TENM2: variants seen among roughly 807,000 people sequenced by gnomAD.
TENM2 encodes teneurin-2.
In TENM2, 52 loss-of-function variants were observed where a neutral mutation model predicts 245.2. That is an observed-to-expected ratio of 0.21 (90% CI 0.17 to 0.27). TENM2 has a LOEUF of 0.27. Ranked by LOEUF, TENM2 falls within the 10% of genes least tolerant of loss-of-function variation. TENM2 has a pLI of 1.00. For missense variants in TENM2, 3,046 were observed against 3,666.8 expected (o/e 0.83, Z 4.37); for synonymous variants, 1,363 against 1,438.9 (o/e 0.95, Z 1.19).
intron 2 of TENM2, among the ~76,000 whole-genome samples, chr5:167,769,192 A>G (rs1265953629): frequency 6.6e-6 from 1 of 152,208 alleles, no homozygotes; most frequent in African/African-American, 2.4e-5. Context: ...GATAGTGATG[A>G]CTATGGTGCT....
At chr5:167,386,393 T>C (rs1761435980) in intron 2 of TENM2, among the ~76,000 whole-genome samples, 1 of 152,176 alleles carries the variant, frequency 6.6e-6, no homozygotes. Context: ...TTGTTTGAGT[T>C]TATTGTAGAT....
intron 19 of TENM2, among the ~76,000 whole-genome samples, chr5:168,210,723 G>A (rs1438360051): frequency 6.6e-6 from 1 of 151,832 alleles, no homozygotes; most frequent in Non-Finnish European, 1.5e-5. Flanking sequence ...AGCTACACCT[G>A]AGCAGAAATC....
intron 12 of TENM2, among the ~76,000 whole-genome samples, chr5:168,134,186 C>T (rs1476253427): frequency 6.6e-6 from 1 of 152,024 alleles, no homozygotes; most frequent in Non-Finnish European, 1.5e-5. Flanking sequence ...AAAAAATAGG[C>T]TCTTGTGTCA....
chr5:167,551,421 A>G (rs1037339393), intron 2 of TENM2, among the ~76,000 whole-genome samples: 3 of 152,100 alleles, frequency 2.0e-5, no homozygotes, highest in Admixed American at 6.5e-5. Context: ...CCGCTCATCT[A>G]TCTATCTATC....
At chr5:167,728,883 A>G (rs1760224324) in intron 2 of TENM2, 1 of 152,256 alleles carries the variant, frequency 6.6e-6, no homozygotes, top group Non-Finnish European at 1.5e-5. Flanking sequence ...GGCTGGCCAT[A>G]TGTTCCTGCC....
chr5:167,860,816 T>G (rs1414463046), intron 2 of TENM2, among the ~76,000 whole-genome samples: 15 of 91,234 alleles, frequency 1.6e-4, no homozygotes, highest in Non-Finnish European at 1.5e-4. Context: ...GTGCAAGATG[T>G]GCTTTGTTAA....
chr5:167,740,654 A>C (rs1043956204), intron 2 of TENM2, among the ~76,000 whole-genome samples: 4 of 152,150 alleles, frequency 2.6e-5, no homozygotes, highest in Non-Finnish European at 4.4e-5. Flanking sequence ...GGGTACGGCC[A>C]AGAATAAGAA....
chr5:167,976,412 T>C (rs565362531), intron 4 of TENM2, among the ~76,000 whole-genome samples: 2 of 152,328 alleles, frequency 1.3e-5, no homozygotes, highest in East Asian at 3.9e-4. Flanking sequence ...GGGATATTTA[T>C]GATATTTAAG....
At chr5:167,991,783 C>T (rs903646491) in intron 4 of TENM2, among the ~76,000 whole-genome samples, 3 of 152,210 alleles carry the variant, frequency 2.0e-5, no homozygotes, top group South Asian at 2.1e-4. Flanking sequence ...CAGGATTTCA[C>T]GGGAGGTGAA....
rs79014026 is a variant in TENM2 at position 167,924,752 on chromosome 5, G to T, written c.713-27836G>T. Among the ~76,000 whole-genome samples the T allele has an allele frequency of 2.5e-3, 384 of 152,240 alleles. 6 individuals are homozygous for T. The East Asian group carries it at 0.05, about 20-fold the overall frequency. The stretch of plus-strand genomic sequence containing the variant: ...AAAACCTGGGGCTTTAATGAGGTCT[G>T]ACTTCATGTCTAATCCATATTACAA... On this transcript the variant is annotated intron_variant, in intron 3 of 28. Transcript: ENST00000518659.
intron 25 of TENM2, among the ~76,000 whole-genome samples, chr5:168,228,854 A>ATAT (rs927614378): frequency 1.3e-5 from 2 of 148,492 alleles, no homozygotes; most frequent in Non-Finnish European, 3.0e-5. Context: ...AACATTAATT[A>ATAT]TATTATTATT....
At chr5:167,097,840 G>A in the TENM2 span, among the ~76,000 whole-genome samples, 14 of 152,282 alleles carry the variant, frequency 9.2e-5, no homozygotes, top group East Asian at 2.5e-3. Flanking sequence ...AGCCTAGCAC[G>A]TGATAAGTAA....
At chr5:167,609,530 G>T (rs1457866439) in intron 2 of TENM2, among the ~76,000 whole-genome samples, 1 of 123,618 alleles carries the variant, frequency 8.1e-6, no homozygotes, top group Non-Finnish European at 1.7e-5. Context: ...TTACCTAGAA[G>T]GTTTTTTAGA....
the TENM2 span, among the ~76,000 whole-genome samples, chr5:167,251,450 A>G: frequency 0.64 from 97,717 of 152,006 alleles, 34,131 homozygotes; most frequent in Middle Eastern, 0.87. Context: ...CTTTTAGATA[A>G]TATTTTAATG....
chr5:167,315,957 G>C (rs1347475613), intron 1 of TENM2, among the ~76,000 whole-genome samples: 1 of 152,154 alleles, frequency 6.6e-6, no homozygotes, highest in Non-Finnish European at 1.5e-5. Flanking sequence ...GCATTTCACT[G>C]TTTCTGCCTG....
chr5:167,548,327 A>C (rs1171947735), intron 2 of TENM2, among the ~76,000 whole-genome samples: 1 of 152,134 alleles, frequency 6.6e-6, no homozygotes, highest in Non-Finnish European at 1.5e-5. Context: ...CAATTTCTTC[A>C]ATTTCAGATC....
At chr5:167,262,673 G>C in the TENM2 span, among the ~76,000 whole-genome samples, 1 of 152,086 alleles carries the variant, frequency 6.6e-6, no homozygotes, top group East Asian at 1.9e-4. Context: ...TTTAAATATG[G>C]ACCTGGGAAG....
At chr5:167,511,370 T>C (rs1261895990) in intron 2 of TENM2, among the ~76,000 whole-genome samples, 1 of 152,104 alleles carries the variant, frequency 6.6e-6, no homozygotes, top group Non-Finnish European at 1.5e-5. Flanking sequence ...GCTTCTGAAA[T>C]GGAGATGCCA....
At chr5:167,065,904 G>C in the TENM2 span, among the ~76,000 whole-genome samples, 1 of 152,188 alleles carries the variant, frequency 6.6e-6, no homozygotes, top group Non-Finnish European at 1.5e-5. Flanking sequence ...TAGTTGTACT[G>C]TATCGCTTTC....
Sources: gnomAD v4.1 joint callset for allele counts (sites outside exome capture counted in the v4.1 genomes callset) on GRCh38, gnomAD v4.1.1 for gene constraint, MANE v1.5 for transcripts, NCBI Gene and HGNC (gene_info 2026-07-23, HGNC 2026-07-21) for gene names.